The following TDRD9 variants were observed in gnomAD, a reference collection of about 807,000 sequenced individuals.
The protein encoded by TDRD9 is tudor domain containing 9.
TDRD9 carries 124 observed loss-of-function variants against 172.6 expected under a neutral mutation model. The observed-to-expected ratio is 0.72, with a 90% confidence interval of 0.62 to 0.83. The LOEUF is 0.83. Among genes scored for constraint, TDRD9 ranks in the 40% least tolerant of loss-of-function variants. The pLI is 0.00. For missense variants in TDRD9, 1,479 were observed against 1,714.1 expected, an observed-to-expected ratio of 0.86 and a Z score of 2.42; for synonymous variants, 619 against 617.1, an observed-to-expected ratio of 1.00 and a Z score of -0.05.
At position 104,008,416 on chromosome 14, in the gene TDRD9, G is replaced by A. The variant is rs867927404; in HGVS notation, c.2056G>A (p.Glu686Lys). Residue 686 changes from glutamate to lysine, a missense_variant, in exon 20 of 36, where the codon GAA becomes AAA. Glu to Lys is a moderately conservative substitution (Grantham distance 56, BLOSUM62 1). This residue lies in a region of TDRD9 where 1,413 missense variants were observed against 1,649.1 expected (regional missense o/e 0.86). Transcript: ENST00000409874. ...TTCTGCTTTTATATATTTAAAGGAT[G>A]AACTTAATTGGGGACGGTTAAATTA... ...QTGELRYPKD[E>K]LNWGRLNYIQ... is the part of the protein sequence containing the mutation. 1.3e-6 allele frequency: 2 copies of A among 1,528,868 alleles called. No homozygotes were observed. The highest frequency in any genetic ancestry group is 2.3e-5 in the East Asian group (1 of 44,252). The allele number at this position is 1,528,868 out of a possible 1,614,324, so 94.7% of individuals were successfully genotyped here.
At chr14:103,995,294 C>T (rs1054214145) in intron 11 of TDRD9, among the ~76,000 whole-genome samples, 2 of 152,168 alleles carry the variant, frequency 1.3e-5, no homozygotes, top group Non-Finnish European at 2.9e-5. Flanking sequence ...TAACAAGACC[C>T]TTCTAGAGCT....
chr14:104,003,421 G>C (rs909183363), intron 13 of TDRD9, among the ~76,000 whole-genome samples: 1 of 152,114 alleles, frequency 6.6e-6, no homozygotes, highest in African/African-American at 2.4e-5. Context: ...ACAAAACATT[G>C]GTTCACCCCT....
In TDRD9 at chr14:104,049,637, A is replaced by G; in HGVS notation, c.4004A>G (p.Lys1335Arg). The G allele has an allele frequency of 1.3e-6, 2 of 1,587,138 alleles. No individual in the cohort carries two copies. Among genetic ancestry groups the G allele is most frequent in the Admixed American group, 1.8e-5 (1 of 56,440 alleles). ...TTCTGTCAGTCAAAACCAAGGGAGA[A>G]GATTGTTCCCAAGTGGCATGAAAAG... ...GLFCQSKPREKIVPKWHEKPY... is the reference protein window; with the variant it reads ...GLFCQSKPRERIVPKWHEKPY... The change falls in exon 35 of 36, where the codon AAG becomes AGG. Residue 1335 changes from lysine (K) to arginine (R), a missense_variant. Physicochemically the swap from Lys to Arg is conservative, Grantham distance 26. Coordinates refer to ENST00000409874, the MANE Select transcript of TDRD9 (RefSeq NM_153046.3).
chr14:103,985,525 A>T (rs1001962425), intron 7 of TDRD9, among the ~76,000 whole-genome samples: 1 of 152,172 alleles, frequency 6.6e-6, no homozygotes, highest in African/African-American at 2.4e-5. Context: ...TATCAGCAGC[A>T]TGAAGATGGA....
At chr14:103,937,769 G>T (rs891160932) in intron 1 of TDRD9, among the ~76,000 whole-genome samples, 2 of 152,120 alleles carry the variant, frequency 1.3e-5, no homozygotes, top group Non-Finnish European at 2.9e-5. Flanking sequence ...GTGTGTATTG[G>T]TACTAGCTGG....
At position 104,040,345 on chromosome 14, in the gene TDRD9, T is replaced by C; in HGVS notation, c.3855+11T>C. ...GAGGATGTCGTCGAGGTAAGGGTAG[T>C]GCAGCATCACGGCACCACAACCCTG... On this transcript the variant is annotated intron_variant, in intron 33 of 35. Coordinates refer to ENST00000409874, the MANE Select transcript of TDRD9 (RefSeq NM_153046.3). The C allele has an allele frequency of 1.3e-6, 2 of 1,541,512 alleles. No individual in the cohort carries two copies. Among genetic ancestry groups the C allele is most frequent in the Non-Finnish European group, 1.8e-6 (2 of 1,140,462 alleles).
intron 5 of TDRD9, among the ~76,000 whole-genome samples, chr14:103,968,777 C>A (rs1383062147): frequency 9.6e-5 from 1 of 10,366 alleles, no homozygotes; most frequent in African/African-American, 1.8e-4. Flanking sequence ...GCCTGGGCGA[C>A]AGAGTGAGAC....
At chr14:104,027,100 G>A (rs2035147577) in intron 28 of TDRD9, among the ~76,000 whole-genome samples, 161 bp downstream of exon 28, 1 of 152,198 alleles carries the variant, frequency 6.6e-6, no homozygotes, top group Non-Finnish European at 1.5e-5. Context: ...CAATTTAAAT[G>A]TCTTCTAGCT....
intron 32 of TDRD9, among the ~76,000 whole-genome samples, chr14:104,038,605 G>C (rs2035521654): frequency 6.6e-6 from 1 of 152,226 alleles, no homozygotes; most frequent in Non-Finnish European, 1.5e-5. Context: ...CTGTAGGCTA[G>C]TTTGGGTGTC....
rs1042791727 is a variant in TDRD9, at chr14:103,997,250, C to T, written c.1379-1374C>T. 6.6e-6 allele frequency among the ~76,000 whole-genome samples: 1 copy of T among 152,058 alleles called. No individual in the cohort carries two copies. Among genetic ancestry groups the T allele is most frequent in the Non-Finnish European group, 1.5e-5 (1 of 68,022 alleles). On this transcript the variant is annotated intron_variant, in intron 12 of 35. Coordinates refer to ENST00000409874, the MANE Select transcript of TDRD9 (RefSeq NM_153046.3). The surrounding 1 kb of genome is among the most constrained non-coding windows in gnomAD (Gnocchi z 5.1). Reference sequence around the variant, plus strand: ...TAGGAGGGTGTCACAAGAATCTAGGCGACAATGGGTGGTGCTTAGAAAAGG... The same window carrying T: ...TAGGAGGGTGTCACAAGAATCTAGGTGACAATGGGTGGTGCTTAGAAAAGG...
intron 3 of TDRD9, among the ~76,000 whole-genome samples, chr14:103,964,521 T>G (rs2032650341): frequency 6.6e-6 from 1 of 151,790 alleles, no homozygotes; most frequent in Non-Finnish European, 1.5e-5. Context: ...TTGTTGTTGT[T>G]TTTGTTTTTT....
intron 6 of TDRD9, 65 bp downstream of exon 6, chr14:103,970,686 T>C (rs1454791887): frequency 6.1e-6 from 8 of 1,312,126 alleles, no homozygotes; most frequent in Non-Finnish European, 8.6e-6. Context: ...GTTTTGTTTC[T>C]CTCTATAGTC....
At chr14:104,010,704 A>G (rs2034587826) in intron 20 of TDRD9, among the ~76,000 whole-genome samples, 1 of 152,092 alleles carries the variant, frequency 6.6e-6, no homozygotes, top group African/African-American at 2.4e-5. Context: ...TATCATTATC[A>G]AGTACAGTCA....
chr14:104,016,106 G>C lies in TDRD9; in HGVS notation c.2331+18G>C. ...CTGTCGTGGTAGGTGCTGGGGGCAG[G>C]CCGTCCTCTCTGGGGTGTGGTGGGG... On this transcript the variant is annotated intron_variant, in intron 22 of 35. Transcript: ENST00000409874. 6.4e-7 allele frequency: 1 copy of C among 1,556,494 alleles called. No homozygotes were observed. The highest frequency in any genetic ancestry group is 8.8e-7 in the Non-Finnish European group (1 of 1,140,926).
At chr14:103,975,307 G>T in intron 6 of TDRD9, 82 bp from the exon 7 acceptor site, 1 of 1,360,068 alleles carries the variant, frequency 7.4e-7, no homozygotes. Flanking sequence ...GAGTGAAGCA[G>T]AAGAAAAGCC....
chr14:103,978,028 G>T (rs990736694), intron 7 of TDRD9, among the ~76,000 whole-genome samples: 7 of 152,098 alleles, frequency 4.6e-5, no homozygotes, highest in African/African-American at 1.7e-4. Flanking sequence ...TTGATCATCT[G>T]TGTGTCTGTT....
At chr14:104,017,886 C>CTTTATTTAACATATTTATTATA in intron 22 of TDRD9, among the ~76,000 whole-genome samples, 1 of 152,230 alleles carries the variant, frequency 6.6e-6, no homozygotes, top group Middle Eastern at 3.4e-3. Flanking sequence ...TAGAATTAGC[C>CTTTATTTAACATATTTATTATA]TTTATTTAAC....
intron 24 of TDRD9, among the ~76,000 whole-genome samples, chr14:104,022,619 C>T (rs914130435): frequency 6.6e-6 from 1 of 152,022 alleles, no homozygotes; most frequent in African/African-American, 2.4e-5. Context: ...CCCACCTACT[C>T]GGGAGGCTGA....
Position 104,018,169 on chromosome 14 carries a change from A to C in TDRD9, c.2409A>C (p.Lys803Asn), listed in dbSNP as rs771150372. ...TCTTTAGACAGTGTGGTCAAGTCAA[A>C]TCCATTGTATTTGATGGTGCAAAGT... Reference protein sequence around the residue: ...QSLFRQCGQVKSIVFDGAKAF... With the variant: ...QSLFRQCGQVNSIVFDGAKAF... The change falls in exon 23 of 36, where the codon AAA becomes AAC. Residue 803 changes from lysine (K) to asparagine (N), a missense_variant. This residue lies in a region of TDRD9 where 1,413 missense variants were observed against 1,649.1 expected (regional missense o/e 0.86). Transcript: ENST00000409874. 1.0e-5 allele frequency: 16 copies of C among 1,601,424 alleles called. No individual in the cohort carries two copies. In the East Asian group the frequency reaches 3.6e-4, roughly 36 times the overall value.
Sources: gnomAD v4.1 joint callset for allele counts (sites outside exome capture counted in the v4.1 genomes callset) on GRCh38, gnomAD v4.1.1 for gene constraint, gnomAD v4.1.1 regional missense constraint, Gnocchi (gnomAD v3.1) non-coding constraint, MANE v1.5 for transcripts, NCBI Gene and HGNC (gene_info 2026-07-23, HGNC 2026-07-21) for gene names.